Variants in ARFGEF2 observed in about 807,000 individuals in gnomAD.
The protein encoded by ARFGEF2 is brefeldin A-inhibited guanine nucleotide-exchange protein 2.
ARFGEF2 carries 74 observed loss-of-function variants against 219.9 expected under a neutral mutation model. The observed-to-expected ratio is 0.34, with a 90% confidence interval of 0.28 to 0.41. The LOEUF (loss-of-function observed/expected upper bound fraction) is 0.41. Among genes scored for constraint, ARFGEF2 ranks in the 10% least tolerant of loss-of-function variants. The pLI is 1.00. For missense variants in ARFGEF2, 1,743 were observed against 2,218.3 expected, an observed-to-expected ratio of 0.79 and a Z score of 4.30; for synonymous variants, 733 against 799.2, an observed-to-expected ratio of 0.92 and a Z score of 1.40.
chr20:48,968,667 A>C (rs2091206361), intron 8 of ARFGEF2, among the ~76,000 whole-genome samples: 1 of 152,174 alleles, frequency 6.6e-6, no homozygotes, highest in African/African-American at 2.4e-5. Flanking sequence ...CACCTGGCTT[A>C]CAATAGTATT....
At position 49,016,271 on chromosome 20, in the gene ARFGEF2, T is replaced by C. The variant is rs2091529242; in HGVS notation, c.4180-9T>C. The C allele has an allele frequency of 6.2e-7, 1 of 1,613,722 alleles. No homozygotes were observed. The highest frequency in any genetic ancestry group is 1.3e-5 in the African/African-American group (1 of 75,050). ...ATAGCTTTTAAGTGTCATCTTTTTG[T>C]TTTCCCAGAAATCTGAGTGGATGAC... On this transcript the variant is annotated splice_polypyrimidine_tract_variant and intron_variant, in intron 30 of 38. Coordinates refer to ENST00000371917, the MANE Select transcript of ARFGEF2 (RefSeq NM_006420.3).
intron 1 of ARFGEF2, among the ~76,000 whole-genome samples, chr20:48,937,588 G>T (rs2090966855): frequency 6.6e-6 from 1 of 152,154 alleles, no homozygotes; most frequent in African/African-American, 2.4e-5. Context: ...AGTTTAGAAA[G>T]TGCAGCAATT....
intron 3 of ARFGEF2, among the ~76,000 whole-genome samples, chr20:48,944,781 T>C (rs1012361618): frequency 6.6e-6 from 1 of 152,160 alleles, no homozygotes; most frequent in Non-Finnish European, 1.5e-5. Context: ...CTAGGACTTC[T>C]TGACTCTGTG....
Position 49,018,896 on chromosome 20 carries a change from G to C in ARFGEF2, c.4522G>C (p.Asp1508His). ...SSEKHLDVDL[D>H]RQSLSSIDKN... Reference sequence around the variant, plus strand: ...GGTTTACATTTAGGATGTGGATCTGGACCGCCAGTCTTTAAGCAGCATAGA... The same window carrying C: ...GGTTTACATTTAGGATGTGGATCTGCACCGCCAGTCTTTAAGCAGCATAGA... The change falls in exon 34 of 39, where the codon GAC becomes CAC. Residue 1508 changes from aspartate to histidine, a missense_variant. Physicochemically the swap from Asp to His is moderately conservative, Grantham distance 81. Around this residue, in one of 5 missense-constraint regions of ARFGEF2, gnomAD observed 578 missense variants for 664.0 expected, o/e 0.87. Transcript: ENST00000371917. 6.2e-7 allele frequency: 1 copy of C among 1,613,794 alleles called. No homozygotes were observed. Among genetic ancestry groups the C allele is most frequent in the Non-Finnish European group, 8.5e-7 (1 of 1,179,776 alleles).
chr20:48,991,744 A>T (rs763151136), intron 21 of ARFGEF2, among the ~76,000 whole-genome samples: 21 of 152,202 alleles, frequency 1.4e-4, no homozygotes, highest in Non-Finnish European at 2.2e-4. Context: ...AAAGAGCTAG[A>T]TGTCCCAACA....
At chr20:48,999,902 C>G (rs1047338140) in intron 25 of ARFGEF2, among the ~76,000 whole-genome samples, 4 of 152,020 alleles carry the variant, frequency 2.6e-5, no homozygotes, top group African/African-American at 7.2e-5. Context: ...AGTTATAATA[C>G]CAATGCTTAA....
At position 48,951,400 on chromosome 20, in the gene ARFGEF2, T is replaced by C; in HGVS notation, c.354T>C (p.Ile118=). 1 of 1,614,234 alleles carries C rather than the reference T, an allele frequency of 6.2e-7. No homozygotes were observed. The highest frequency in any genetic ancestry group is 1.1e-5 in the South Asian group (1 of 91,088). The change falls in exon 4 of 39, where the codon ATT becomes ATC. Residue 118 remains isoleucine (I), a synonymous_variant. Coordinates refer to ENST00000371917, the MANE Select transcript of ARFGEF2 (RefSeq NM_006420.3). ...CTGGGAAGCGGCTGATCGACAGAAT[T>C]GTTGAAACCATTTGCAGTTGTTTTC... ...GAPGKRLIDR[I]VETICSCFQG...
intron 35 of ARFGEF2, among the ~76,000 whole-genome samples, chr20:49,023,842 A>G (rs1007839413): frequency 3.9e-5 from 6 of 152,096 alleles, no homozygotes; most frequent in African/African-American, 1.4e-4. Flanking sequence ...CCGGCCTGAT[A>G]TACAGTTTAA....
chr20:48,951,438 C>G lies in ARFGEF2; in HGVS notation c.392C>G (p.Thr131Ser), dbSNP rs746335162. Residue 131 changes from threonine to serine, a missense_variant, in exon 4 of 39, where the codon ACT becomes AGT. By Grantham distance (58) the Thr-to-Ser change is moderately conservative. Transcript: ENST00000371917. ...TICSCFQGPQ[T>S]DEGVQLQIIK... ...TGCAGTTGTTTTCAGGGCCCTCAGA[C>G]TGATGAAGGGGTTCAGTTACAAATA... is the stretch of plus-strand genomic sequence containing the variant. 2.2e-5 allele frequency: 36 copies of G among 1,614,064 alleles called. No individual in the cohort carries two copies. Among genetic ancestry groups the G allele is most frequent in the Non-Finnish European group, 2.4e-5 (28 of 1,180,052 alleles).
intron 20 of ARFGEF2, 109 bp downstream of exon 20, chr20:48,989,793 A>G: frequency 2.0e-6 from 3 of 1,519,966 alleles, no homozygotes; most frequent in Non-Finnish European, 2.7e-6. Context: ...ACTCTTAGCA[A>G]GCTACTTACT....
At chr20:48,936,364 C>T (rs993648902) in intron 1 of ARFGEF2, among the ~76,000 whole-genome samples, 1 of 151,644 alleles carries the variant, frequency 6.6e-6, no homozygotes, top group Non-Finnish European at 1.5e-5. Flanking sequence ...CCCCCACCTC[C>T]CTCCCGGACG....
chr20:48,938,957 T>G (rs1340577847), intron 1 of ARFGEF2, among the ~76,000 whole-genome samples: 1 of 151,812 alleles, frequency 6.6e-6, no homozygotes, highest in African/African-American at 2.4e-5. Context: ...GTGTTTGGTT[T>G]GTTTTATGGG....
intron 1 of ARFGEF2, among the ~76,000 whole-genome samples, chr20:48,924,638 A>G (rs974970278): frequency 2.0e-5 from 3 of 152,206 alleles, no homozygotes; most frequent in African/African-American, 7.2e-5. Context: ...TGACGGCTCA[A>G]AGTTGAAATG....
At chr20:48,963,175 C>CAA (rs71337478) in intron 6 of ARFGEF2, among the ~76,000 whole-genome samples, 12 of 110,832 alleles carry the variant, frequency 1.1e-4, no homozygotes, top group African/African-American at 2.1e-4. Context: ...AACTCTGTCT[C>CAA]AAAAAAAAAA....
Position 48,971,176 on chromosome 20 carries a change from A to C in ARFGEF2, c.1247A>C (p.Gln416Pro), listed in dbSNP as rs753932082. The change falls in exon 10 of 39, where the codon CAA becomes CCA. Residue 416 changes from glutamine to proline, a missense_variant. Around this residue, in one of 5 missense-constraint regions of ARFGEF2, gnomAD observed 666 missense variants for 955.4 expected, o/e 0.70. Coordinates refer to ENST00000371917, the MANE Select transcript of ARFGEF2 (RefSeq NM_006420.3). Reference protein sequence around the residue: ...VSLQLLLSVLQNAGPVFRTHE... With the variant: ...VSLQLLLSVLPNAGPVFRTHE... ...CTGCAGCTGCTCCTCTCTGTGTTGC[A>C]AAATGCTGGCCCCGTATTCAGGACT... 6.2e-7 allele frequency: 1 copy of C among 1,614,198 alleles called. No individual in the cohort carries two copies. Among genetic ancestry groups the C allele is most frequent in the Non-Finnish European group, 8.5e-7 (1 of 1,180,038 alleles).
chr20:48,989,869 C>A (rs2091347571), intron 20 of ARFGEF2, among the ~76,000 whole-genome samples, 185 bp downstream of exon 20: 2 of 152,096 alleles, frequency 1.3e-5, no homozygotes, highest in Non-Finnish European at 1.5e-5. Flanking sequence ...AATGGAGATA[C>A]GGATTAAAAC....
At chr20:48,932,389 C>T (rs1041579124) in intron 1 of ARFGEF2, among the ~76,000 whole-genome samples, 3 of 151,986 alleles carry the variant, frequency 2.0e-5, no homozygotes, top group African/African-American at 4.8e-5. Flanking sequence ...CAGTAGCCAT[C>T]GTGGAGAGTG....
At chr20:48,939,855 C>T (rs1600592636) in intron 1 of ARFGEF2, among the ~76,000 whole-genome samples, 1 of 152,210 alleles carries the variant, frequency 6.6e-6, no homozygotes, top group African/African-American at 2.4e-5. Flanking sequence ...TTGCAGCCTT[C>T]AGTACCGTGT....
At position 48,989,784 on chromosome 20, in the gene ARFGEF2, C is replaced by T. The variant is rs2091347053; in HGVS notation, c.2814+100C>T. 4 of 1,555,672 alleles carry T rather than the reference C, an allele frequency of 2.6e-6. No individual in the cohort carries two copies. In the East Asian group the frequency reaches 9.0e-5, roughly 35 times the overall value. On this transcript the variant is annotated intron_variant, in intron 20 of 38. Transcript: ENST00000371917. ...ATCAGAAATTTTCAGTTAATCAAGA[C>T]TCTTAGCAAGCTACTTACTTATGCC... is the stretch of plus-strand genomic sequence containing the variant.
Sources: gnomAD v4.1 joint callset for allele counts (sites outside exome capture counted in the v4.1 genomes callset) on GRCh38, gnomAD v4.1.1 for gene constraint, gnomAD v4.1.1 regional missense constraint, MANE v1.5 for transcripts, NCBI Gene and HGNC (gene_info 2026-07-23, HGNC 2026-07-21) for gene names.